Variants in PALM2AKAP2 observed in about 807,000 individuals in gnomAD.
The protein encoded by PALM2AKAP2 is PALM2-AKAP2 fusion protein.
PALM2AKAP2 carries 37 observed loss-of-function variants against 71.5 expected under a neutral mutation model. The observed-to-expected ratio is 0.52, with a 90% CI of 0.40 to 0.68. The LOEUF (loss-of-function observed/expected upper bound fraction) is 0.68, where lower values mean the gene tolerates loss of function less well. PALM2AKAP2 is among the 30% of genes least tolerant of loss of function. The pLI is 0.00. For synonymous variants in PALM2AKAP2, 468 were observed against 478.8 expected, an observed-to-expected ratio of 0.98 and a Z score of 0.29; for missense variants, 1,224 against 1,191.8, an observed-to-expected ratio of 1.03 and a Z score of -0.40.
intron 1 of PALM2AKAP2, among the ~76,000 whole-genome samples, chr9:110,062,698 A>G (rs1833989201): frequency 6.6e-6 from 1 of 152,200 alleles, no homozygotes; most frequent in Non-Finnish European, 1.5e-5. Context: ...TTAGTTTGCT[A>G]AGGCTGCCAT....
At chr9:109,862,037 T>C (rs1234671566) in intron 1 of PALM2AKAP2, among the ~76,000 whole-genome samples, 1 of 152,214 alleles carries the variant, frequency 6.6e-6, no homozygotes. Context: ...CCAAGATCCT[T>C]GTCCTCAAGG....
At chr9:109,748,648 C>T (rs1828838927) in intron 1 of PALM2AKAP2, among the ~76,000 whole-genome samples, 1 of 152,130 alleles carries the variant, frequency 6.6e-6, no homozygotes, top group African/African-American at 2.4e-5. Flanking sequence ...CACAATTTTG[C>T]TCTGGAAACT....
chr9:109,887,745 A>G (rs1829999732), intron 3 of PALM2AKAP2, among the ~76,000 whole-genome samples: 2 of 152,216 alleles, frequency 1.3e-5, no homozygotes, highest in Admixed American at 1.3e-4. Context: ...TAATTTTAAA[A>G]AAGTGAAAGA....
At chr9:110,172,086 CTA>C (rs1350679125) in exon 4 of PALM2AKAP2, 2 of 152,502 alleles carry the variant, frequency 1.3e-5, no homozygotes, top group African/African-American at 4.8e-5. Context: ...ACAAGGAACA[CTA>C]AAACAGTGTT....
intron 1 of PALM2AKAP2, among the ~76,000 whole-genome samples, chr9:109,812,378 A>G (rs1256489244): frequency 6.6e-6 from 1 of 152,014 alleles, no homozygotes; most frequent in Non-Finnish European, 1.5e-5. Context: ...CCCAGATGAA[A>G]GGGAAGAACC....
At chr9:109,711,276 G>T (rs184758840) in intron 1 of PALM2AKAP2, among the ~76,000 whole-genome samples, 1 of 152,232 alleles carries the variant, frequency 6.6e-6, no homozygotes, top group East Asian at 1.9e-4. Context: ...GAAGCATAGA[G>T]ACATTCTATG....
intron 3 of PALM2AKAP2, among the ~76,000 whole-genome samples, chr9:109,921,004 G>A (rs945359330): frequency 6.6e-5 from 10 of 152,144 alleles, no homozygotes; most frequent in African/African-American, 2.4e-4. Flanking sequence ...ACACAGATGT[G>A]TGTAGAAGAT....
At chr9:110,022,467 T>C (rs1021416553) in intron 7 of PALM2AKAP2, among the ~76,000 whole-genome samples, 2 of 152,214 alleles carry the variant, frequency 1.3e-5, no homozygotes, top group African/African-American at 4.8e-5. Flanking sequence ...CATTCACTTC[T>C]CCCTTGATCT....
intron 1 of PALM2AKAP2, among the ~76,000 whole-genome samples, chr9:109,741,871 TC>T (rs1828719900): frequency 6.6e-6 from 1 of 152,256 alleles, no homozygotes; most frequent in Non-Finnish European, 1.5e-5. Context: ...TTGAATTGTC[TC>T]AGCAGAAGGA....
intron 1 of PALM2AKAP2, among the ~76,000 whole-genome samples, chr9:109,788,815 A>G (rs2118853574): frequency 6.6e-6 from 1 of 152,276 alleles, no homozygotes; most frequent in Admixed American, 6.5e-5. Flanking sequence ...GCGCACTCCC[A>G]TAGTCCCAGC....
rs202225945 is a variant in PALM2AKAP2 at position 110,000,164 on chromosome 9, C to T, written c.497-15790C>T. Among the ~76,000 whole-genome samples the T allele has an allele frequency of 1.7e-4, 25 of 144,594 alleles. No individual in the cohort carries two copies. In the East Asian group the frequency reaches 5.5e-3, roughly 32 times the overall value. 94.9% of individuals were successfully genotyped at this position (144,594 alleles called of 152,430 possible). A position where few individuals can be genotyped will look rare whatever the true frequency, so the allele number is the denominator to read the frequency against. On this transcript the variant is annotated intron_variant, in intron 6 of 9. Coordinates refer to the PALM2AKAP2 transcript ENST00000302798. ...CTCCTAATGCTATCCCTCCCCCCTC[C>T]CCCCACCACACAACAGGCCCCCGGT...
intron 1 of PALM2AKAP2, among the ~76,000 whole-genome samples, chr9:109,689,041 C>T (rs986058625): frequency 1.2e-4 from 18 of 152,098 alleles, no homozygotes; most frequent in African/African-American, 4.3e-4. Flanking sequence ...GTTTTTTCTT[C>T]AGGGTGGAGG....
rs145861861 is a variant in PALM2AKAP2 at position 109,973,944 on chromosome 9, C to T, written c.496+41916C>T. 5.8e-3 allele frequency among the ~76,000 whole-genome samples: 876 copies of T among 152,254 alleles called. 1 individual carries two copies. Among genetic ancestry groups the T allele is most frequent in the Non-Finnish European group, 9.9e-3 (675 of 68,012 alleles). On this transcript the variant is annotated intron_variant, in intron 6 of 9. Coordinates refer to the PALM2AKAP2 transcript ENST00000302798. ...GATAAAGCATCTACTATGTGCCTGGCGCTGTGCTGGGCATTGGAAACACAG... is the reference window on the plus strand; with the variant it reads ...GATAAAGCATCTACTATGTGCCTGGTGCTGTGCTGGGCATTGGAAACACAG...
At chr9:110,023,271 C>G (rs1488853403) in intron 7 of PALM2AKAP2, among the ~76,000 whole-genome samples, 1 of 142,808 alleles carries the variant, frequency 7.0e-6, no homozygotes, top group Non-Finnish European at 1.5e-5. Flanking sequence ...GATCCCCATT[C>G]TAACTGGTGT....
At chr9:109,835,519 T>C (rs1056805615) in intron 1 of PALM2AKAP2, among the ~76,000 whole-genome samples, 8 of 152,012 alleles carry the variant, frequency 5.3e-5, no homozygotes, top group African/African-American at 1.9e-4. Context: ...TTGGGGCTTG[T>C]CGGACAGTGG....
intron 1 of PALM2AKAP2, among the ~76,000 whole-genome samples, chr9:109,704,685 A>G (rs1828114748): frequency 6.6e-6 from 1 of 152,114 alleles, no homozygotes; most frequent in South Asian, 2.1e-4. Flanking sequence ...CATGCGTGAT[A>G]ATCTTCAAAC....
intron 6 of PALM2AKAP2, among the ~76,000 whole-genome samples, chr9:109,936,880 G>T (rs1229502988): frequency 1.3e-5 from 2 of 152,198 alleles, no homozygotes; most frequent in African/African-American, 4.8e-5. Flanking sequence ...CTCTCAGCCT[G>T]TTCCTCCTCC....
intron 1 of PALM2AKAP2, among the ~76,000 whole-genome samples, chr9:109,785,394 C>G (rs1350808214): frequency 6.6e-6 from 1 of 152,160 alleles, no homozygotes; most frequent in Non-Finnish European, 1.5e-5. Context: ...CAGAGCTATC[C>G]AAGCTTACAC....
chr9:109,860,398 T>C (rs1395319415), intron 1 of PALM2AKAP2, among the ~76,000 whole-genome samples: 2 of 152,220 alleles, frequency 1.3e-5, no homozygotes, highest in Non-Finnish European at 2.9e-5. Context: ...TGATTTTTCA[T>C]AATTTAATTC....
Sources: gnomAD v4.1 joint callset for allele counts (sites outside exome capture counted in the v4.1 genomes callset) on GRCh38, gnomAD v4.1.1 for gene constraint, MANE v1.5 for transcripts, NCBI Gene and HGNC (gene_info 2026-07-23, HGNC 2026-07-21) for gene names.